KCNH7: variants seen among roughly 807,000 people sequenced by gnomAD.
The protein encoded by KCNH7 is potassium voltage-gated channel subfamily H member 7.
In KCNH7, 49 loss-of-function variants were observed where a neutral mutation model predicts 120.8. That is an observed-to-expected ratio of 0.41 (90% CI 0.32 to 0.51). KCNH7 has a LOEUF of 0.51. KCNH7 is among the 20% of genes least tolerant of loss of function. KCNH7 has a pLI of 0.38. For missense variants in KCNH7, 1,097 were observed against 1,446.6 expected (o/e 0.76, Z 3.92); for synonymous variants, 547 against 516.1 (o/e 1.06, Z -0.81).
chr2:162,836,870 C>A, intron 1 of KCNH7, 103 bp from the exon 2 acceptor site: 1 of 750,032 alleles, frequency 1.3e-6, no homozygotes, highest in Non-Finnish European at 2.2e-6. Context: ...AATGCAGGTG[C>A]CTCCCCAAAT....
chr2:162,720,435 C>T (rs1687288536), intron 2 of KCNH7, among the ~76,000 whole-genome samples: 1 of 151,692 alleles, frequency 6.6e-6, no homozygotes, highest in African/African-American at 2.4e-5. Context: ...AATCCACGTG[C>T]ACAGTGGTAG....
intron 2 of KCNH7, among the ~76,000 whole-genome samples, chr2:162,730,266 G>A (rs922998594): frequency 1.3e-5 from 2 of 151,256 alleles, no homozygotes; most frequent in Non-Finnish European, 1.5e-5. Flanking sequence ...AAATGCTTAT[G>A]ATTGAGGGTT....
At chr2:162,572,177 A>G (rs1240387470) in intron 2 of KCNH7, among the ~76,000 whole-genome samples, 3 of 152,082 alleles carry the variant, frequency 2.0e-5, no homozygotes, top group Non-Finnish European at 4.4e-5. Flanking sequence ...CAGAATCTAT[A>G]ATGAGCTCCA....
intron 2 of KCNH7, among the ~76,000 whole-genome samples, chr2:162,793,583 T>A (rs1050981045): frequency 6.6e-6 from 1 of 151,922 alleles, no homozygotes; most frequent in African/African-American, 2.4e-5. Context: ...TGGAAAGATA[T>A]CCCACATTCA....
intron 2 of KCNH7, among the ~76,000 whole-genome samples, chr2:162,771,510 T>C (rs1683053776): frequency 6.6e-6 from 1 of 152,106 alleles, no homozygotes; most frequent in African/African-American, 2.4e-5. Context: ...AAGTTTACAT[T>C]TGGATTTGCA....
rs148664454 is a variant in KCNH7, at chr2:162,480,835, G to A, written c.1128+23608C>T. On this transcript the variant is annotated intron_variant, in intron 6 of 15. Coordinates refer to ENST00000332142, the MANE Select transcript of KCNH7 (RefSeq NM_033272.4). ...TAGGGCAAGAAGTTACGAAGTGAGGGGGTTAAGGAAAAAGAGGTGGAAAAA... is the reference window on the plus strand; with the variant it reads ...TAGGGCAAGAAGTTACGAAGTGAGGAGGTTAAGGAAAAAGAGGTGGAAAAA... 2.3e-3 allele frequency among the ~76,000 whole-genome samples: 346 copies of A among 152,214 alleles called. 4 individuals are homozygous for A. The highest frequency in any genetic ancestry group is 8.1e-3 in the African/African-American group (338 of 41,544).
chr2:162,445,553 C>T (rs766357329), intron 7 of KCNH7, among the ~76,000 whole-genome samples: 17 of 152,110 alleles, frequency 1.1e-4, no homozygotes, highest in Non-Finnish European at 2.4e-4. Context: ...AAAGTACTTT[C>T]CAAGCTGAAT....
chr2:162,763,380 A>G (rs1452978929), intron 2 of KCNH7, among the ~76,000 whole-genome samples: 1 of 152,098 alleles, frequency 6.6e-6, no homozygotes, highest in East Asian at 1.9e-4. Context: ...CGATATACCA[A>G]GTAGATATAG....
chr2:162,836,478 A>G, intron 2 of KCNH7, 59 bp downstream of exon 2: 1 of 1,341,152 alleles, frequency 7.5e-7, no homozygotes, highest in East Asian at 2.3e-5. Flanking sequence ...AACTTTTAAT[A>G]GTCAAAATTT....
At chr2:162,574,721 C>T (rs932014578) in intron 2 of KCNH7, among the ~76,000 whole-genome samples, 8 of 152,026 alleles carry the variant, frequency 5.3e-5, no homozygotes, top group Non-Finnish European at 8.8e-5. Flanking sequence ...GTGAGCTCAT[C>T]GTGCCAGACT....
intron 2 of KCNH7, among the ~76,000 whole-genome samples, chr2:162,613,718 C>T (rs1057240132): frequency 2.6e-5 from 4 of 151,358 alleles, no homozygotes; most frequent in African/African-American, 7.3e-5. Flanking sequence ...TTAGATAATC[C>T]GAGACAATCA....
intron 9 of KCNH7, among the ~76,000 whole-genome samples, chr2:162,414,413 T>C (rs968877822): frequency 2.0e-5 from 3 of 151,350 alleles, no homozygotes; most frequent in African/African-American, 4.8e-5. Flanking sequence ...AGTATAAGTA[T>C]AATATGTAGT....
At chr2:162,726,488 C>T (rs1037997572) in intron 2 of KCNH7, among the ~76,000 whole-genome samples, 7 of 152,130 alleles carry the variant, frequency 4.6e-5, no homozygotes, top group African/African-American at 7.2e-5. Flanking sequence ...GGCGCCATCT[C>T]GGCTCACTGT....
rs1688200786 is a variant in KCNH7, at chr2:162,435,362, T to C, written c.1790A>G (p.Lys597Arg). The stretch of plus-strand genomic sequence containing the variant: ...ACTTGAGTCACTGTCATTGTAACGT[T>C]TCCCAATTTGCTGTCCTAAGGAATC... ...WLDSLGQQIG[K>R]RYNDSDSSSG... Residue 597 changes from lysine to arginine, a missense_variant, in exon 8 of 16, where the codon AAA becomes AGA. Lys to Arg is a conservative substitution (Grantham distance 26). Around this residue, in one of 8 missense-constraint regions of KCNH7, gnomAD observed 36 missense variants for 46.8 expected, o/e 0.77. Transcript: ENST00000332142. 6.2e-7 allele frequency: 1 copy of C among 1,613,798 alleles called. No individual in the cohort carries two copies. Among genetic ancestry groups the C allele is most frequent in the Non-Finnish European group, 8.5e-7 (1 of 1,179,882 alleles).
In KCNH7 at chr2:162,778,700, CAA is replaced by C. The variant is rs1195304852; in HGVS notation, c.307+57835_307+57836del. Among the ~76,000 whole-genome samples the C allele has an allele frequency of 2.0e-5, 3 of 152,154 alleles. No homozygotes were observed. In the East Asian group the frequency reaches 5.8e-4, roughly 29 times the overall value. On this transcript the variant is annotated intron_variant, in intron 2 of 15. Transcript: ENST00000332142. ...TACTTTTTACAATTATTAAATCACA[CAA>C]AAAGAGATGATAGAGAATAAATGGG...
chr2:162,536,615 A>G (rs1163417947), intron 3 of KCNH7, among the ~76,000 whole-genome samples: 2 of 151,980 alleles, frequency 1.3e-5, no homozygotes, highest in Non-Finnish European at 2.9e-5. Context: ...ATACATATGA[A>G]AATACATAAG....
intron 9 of KCNH7, among the ~76,000 whole-genome samples, chr2:162,409,204 G>C (rs1411132125): frequency 6.6e-6 from 1 of 151,770 alleles, no homozygotes; most frequent in Non-Finnish European, 1.5e-5. Flanking sequence ...CTGAAGGAAA[G>C]AAGAGAGAGA....
At chr2:162,830,191 A>G (rs1216930812) in intron 2 of KCNH7, among the ~76,000 whole-genome samples, 1 of 152,162 alleles carries the variant, frequency 6.6e-6, no homozygotes, top group African/African-American at 2.4e-5. Flanking sequence ...TCGGGTGAGA[A>G]GCTGAGAGAA....
chr2:162,619,569 G>C (rs1227725834), intron 2 of KCNH7, among the ~76,000 whole-genome samples: 1 of 151,678 alleles, frequency 6.6e-6, no homozygotes, highest in Non-Finnish European at 1.5e-5. Context: ...TTTCCTCTGT[G>C]ACAGCACAAC....
Sources: gnomAD v4.1 joint callset for allele counts (sites outside exome capture counted in the v4.1 genomes callset) on GRCh38, gnomAD v4.1.1 for gene constraint, gnomAD v4.1.1 regional missense constraint, MANE v1.5 for transcripts, NCBI Gene and HGNC (gene_info 2026-07-23, HGNC 2026-07-21) for gene names.